EFR3A: variants seen among roughly 807,000 people sequenced by gnomAD.
EFR3A encodes the protein EFR3 homolog A, also known as protein EFR3 homolog A.
A neutral mutation model predicts 104.4 loss-of-function variants in EFR3A; 76 were observed. The observed-to-expected ratio is 0.73, with a 90% confidence interval of 0.60 to 0.88. The LOEUF (loss-of-function observed/expected upper bound fraction) is 0.88. EFR3A is among the 40% of genes least tolerant of loss of function. EFR3A has a pLI of 0.00. For synonymous variants in EFR3A, 330 were observed against 330.0 expected, an observed-to-expected ratio of 1.00 and a Z score of 0.00; for missense variants, 985 against 1,012.5, an observed-to-expected ratio of 0.97 and a Z score of 0.37.
chr8:131,972,713 C>G (rs1409289414), intron 10 of EFR3A, among the ~76,000 whole-genome samples: 11 of 151,996 alleles, frequency 7.2e-5, no homozygotes, highest in Admixed American at 3.9e-4. Context: ...GGGTCTAGTA[C>G]CTAATTTCTA....
chr8:131,925,083 T>C (rs1817235027), intron 1 of EFR3A, among the ~76,000 whole-genome samples: 4 of 152,096 alleles, frequency 2.6e-5, no homozygotes, highest in African/African-American at 2.4e-5. Flanking sequence ...ACCTCTGGTT[T>C]CTTAGTCTTA....
chr8:131,933,261 C>T (rs1292501940), intron 1 of EFR3A, among the ~76,000 whole-genome samples: 2 of 152,032 alleles, frequency 1.3e-5, no homozygotes, highest in African/African-American at 2.4e-5. Context: ...AAGACTCTTC[C>T]CCCTGAGCAC....
chr8:131,912,867 C>T (rs929706038), intron 1 of EFR3A, among the ~76,000 whole-genome samples: 1 of 152,046 alleles, frequency 6.6e-6, no homozygotes, highest in African/African-American at 2.4e-5. Context: ...CTTAGGAAAA[C>T]AGCGCATCAG....
chr8:131,921,674 C>T (rs1247882481), intron 1 of EFR3A, among the ~76,000 whole-genome samples: 1 of 152,044 alleles, frequency 6.6e-6, no homozygotes, highest in Non-Finnish European at 1.5e-5. Flanking sequence ...GTATGTGGCA[C>T]TTGAAAAAGA....
chr8:132,013,261 C>T lies in EFR3A; in HGVS notation c.*2366C>T, dbSNP rs1420627257. ...TGACATTGGTTAACATTTAAATGTT[C>T]CTCCTGTACTTGTGTTGTCTGTGAC... On this transcript the variant is annotated 3_prime_UTR_variant, in exon 23 of 23. Coordinates refer to ENST00000254624, the MANE Select transcript of EFR3A (RefSeq NM_015137.6). 6.6e-6 allele frequency: 1 copy of T among 152,362 alleles called. No individual in the cohort carries two copies. Among genetic ancestry groups the T allele is most frequent in the Non-Finnish European group, 1.5e-5 (1 of 67,990 alleles). The allele number at this position is 152,362 out of a possible 1,614,324, so 9.4% of individuals were successfully genotyped here.
intron 1 of EFR3A, among the ~76,000 whole-genome samples, chr8:131,934,916 G>A (rs893178852): frequency 1.3e-5 from 2 of 152,156 alleles, no homozygotes; most frequent in Admixed American, 6.5e-5. Flanking sequence ...TGAAGTAAAT[G>A]TCTTGTTCTG....
chr8:131,994,882 A>T (rs1339831499), intron 18 of EFR3A, among the ~76,000 whole-genome samples: 1 of 152,172 alleles, frequency 6.6e-6, no homozygotes, highest in Non-Finnish European at 1.5e-5. Flanking sequence ...CAACCCTAAT[A>T]GTACCTGGGA....
intron 13 of EFR3A, 111 bp from the exon 14 acceptor site, chr8:131,979,235 A>G: frequency 4.0e-6 from 4 of 998,782 alleles, no homozygotes; most frequent in South Asian, 3.5e-5. Context: ...CAGTAGTATC[A>G]TTACATACAG....
chr8:132,003,407 G>A (rs1432519430), intron 22 of EFR3A, 122 bp downstream of exon 22: 2 of 920,668 alleles, frequency 2.2e-6, no homozygotes, highest in Non-Finnish European at 3.4e-6. Flanking sequence ...TTTCATTTAG[G>A]ATTAACATAA....
At chr8:131,914,469 T>A (rs1816658060) in intron 1 of EFR3A, among the ~76,000 whole-genome samples, 1 of 152,142 alleles carries the variant, frequency 6.6e-6, no homozygotes, top group Non-Finnish European at 1.5e-5. Flanking sequence ...TTGACCCACA[T>A]TGATGAATAC....
intron 1 of EFR3A, among the ~76,000 whole-genome samples, chr8:131,923,945 C>T (rs1817177003): frequency 6.6e-6 from 1 of 151,930 alleles, no homozygotes; most frequent in South Asian, 2.1e-4. Context: ...AATTAAAAGC[C>T]CGCAGCACTG....
chr8:131,945,529 T>G (rs1818393682), intron 3 of EFR3A, among the ~76,000 whole-genome samples: 1 of 152,218 alleles, frequency 6.6e-6, no homozygotes, highest in South Asian at 2.1e-4. Flanking sequence ...TTCTGTACCT[T>G]TGCGTTGTTA....
intron 1 of EFR3A, among the ~76,000 whole-genome samples, chr8:131,916,864 A>G (rs1364745767): frequency 6.6e-6 from 1 of 152,168 alleles, no homozygotes; most frequent in Non-Finnish European, 1.5e-5. Context: ...ATTTTTTTTA[A>G]GCTTTAGGAC....
Position 131,996,415 on chromosome 8 carries a change from G to T in EFR3A, c.2075G>T (p.Arg692Leu). ...PYVPQVTDED[R>L]LSRRKSIVDT... The stretch of plus-strand genomic sequence containing the variant: ...AACAATTTTATTTTAGATGAAGATC[G>T]ACTTTCTAGAAGAAAAAGCATTGTG... The change falls in exon 19 of 23, where the codon CGA becomes CTA. Residue 692 changes from arginine (R) to leucine (L), a missense_variant. Arg to Leu is a moderately radical substitution (Grantham distance 102, BLOSUM62 -2). Transcript: ENST00000254624. 6.3e-7 allele frequency: 1 copy of T among 1,577,344 alleles called. No individual in the cohort carries two copies. Among genetic ancestry groups the T allele is most frequent in the South Asian group, 1.2e-5 (1 of 83,762 alleles).
chr8:131,908,334 A>T (rs570667540), intron 1 of EFR3A, among the ~76,000 whole-genome samples: 3 of 152,132 alleles, frequency 2.0e-5, no homozygotes, highest in African/African-American at 7.2e-5. Context: ...TGCTGGGATT[A>T]CAGGTGTGAG....
intron 17 of EFR3A, among the ~76,000 whole-genome samples, chr8:131,986,510 G>A (rs896184076): frequency 1.1e-4 from 16 of 152,086 alleles, no homozygotes; most frequent in Non-Finnish European, 1.6e-4. Flanking sequence ...TTGGCCAGGC[G>A]CAGTGGTTCA....
At chr8:131,967,374 C>T (rs1819794322) in intron 8 of EFR3A, among the ~76,000 whole-genome samples, 1 of 152,098 alleles carries the variant, frequency 6.6e-6, no homozygotes, top group African/African-American at 2.4e-5. Flanking sequence ...ACTCCTGCTT[C>T]TTATCAAACC....
chr8:132,010,167 A>G (rs1822256315), intron 22 of EFR3A, among the ~76,000 whole-genome samples: 1 of 151,846 alleles, frequency 6.6e-6, no homozygotes, highest in Non-Finnish European at 1.5e-5. Context: ...GTAACAGTGT[A>G]AAAGGCACAG....
rs1350850850 is a variant in EFR3A, at chr8:131,940,281, T to C, written c.11-218T>C. On this transcript the variant is annotated intron_variant, in intron 1 of 22. Coordinates refer to ENST00000254624, the MANE Select transcript of EFR3A (RefSeq NM_015137.6). ...ATGAATTTGGCGGGATGTGTATGCA[T>C]GTTACCTAAAAATTCTTAGAAGCTG... The C allele has an allele frequency of 4.4e-5, 24 of 543,044 alleles. No homozygotes were observed. In the East Asian group the frequency reaches 6.7e-4, roughly 15 times the overall value. 33.6% of individuals were successfully genotyped at this position (543,044 alleles called of 1,614,324 possible). A position where few individuals can be genotyped will look rare whatever the true frequency, so the allele number is the denominator to read the frequency against.
Sources: gnomAD v4.1 joint callset for allele counts (sites outside exome capture counted in the v4.1 genomes callset) on GRCh38, gnomAD v4.1.1 for gene constraint, MANE v1.5 for transcripts, NCBI Gene and HGNC (gene_info 2026-07-23, HGNC 2026-07-21) for gene names.